Variants in ATP10B observed in about 807,000 individuals in gnomAD.
ATP10B encodes phospholipid-transporting ATPase VB.
In ATP10B, 122 loss-of-function variants were observed where a neutral mutation model predicts 141.2. The observed-to-expected ratio is 0.86, with a 90% confidence interval of 0.75 to 1.00. The LOEUF (loss-of-function observed/expected upper bound fraction) is 1.00, where lower values mean the gene tolerates loss of function less well. Among genes scored for constraint, ATP10B ranks in the 50% least tolerant of loss-of-function variants. The probability of loss-of-function intolerance (pLI) is 0.00; values close to 1 mark genes in which losing one functional copy is unlikely to be tolerated. For synonymous variants in ATP10B, 685 were observed against 692.0 expected, an observed-to-expected ratio of 0.99 and a Z score of 0.16; for missense variants, 1,876 against 1,825.3, an observed-to-expected ratio of 1.03 and a Z score of -0.51.
chr5:160,623,522 C>A (rs7733314), intron 13 of ATP10B, among the ~76,000 whole-genome samples: 2,075 of 63,294 alleles, frequency 0.033, 45 homozygotes, highest in African/African-American at 0.11. Context: ...TGATGCATGA[C>A]CTATTTTTTT....
intron 1 of ATP10B, among the ~76,000 whole-genome samples, chr5:160,809,960 G>T (rs1396100152): frequency 1.3e-5 from 2 of 152,078 alleles, no homozygotes; most frequent in African/African-American, 2.4e-5. Flanking sequence ...GTGATAAATT[G>T]TATGTCTTTA....
At chr5:160,819,906 C>A (rs1005747363) in intron 1 of ATP10B, among the ~76,000 whole-genome samples, 1 of 151,700 alleles carries the variant, frequency 6.6e-6, no homozygotes, top group Non-Finnish European at 1.5e-5. Flanking sequence ...GCTATAAGTT[C>A]CTACATTAAA....
intron 10 of ATP10B, 83 bp from the exon 11 acceptor site, chr5:160,636,392 C>G (rs1705247048): frequency 6.9e-7 from 1 of 1,446,826 alleles, no homozygotes; most frequent in South Asian, 1.4e-5. Context: ...TTGACACATT[C>G]CTAGAAATGG....
At chr5:160,691,371 A>G (rs747674122) in intron 3 of ATP10B, among the ~76,000 whole-genome samples, 1 of 152,262 alleles carries the variant, frequency 6.6e-6, no homozygotes, top group East Asian at 1.9e-4. Context: ...ATTAAAAAAA[A>G]TGCTGCTTTA....
chr5:160,674,192 A>G (rs551023173), intron 6 of ATP10B, among the ~76,000 whole-genome samples: 1 of 152,224 alleles, frequency 6.6e-6, no homozygotes, highest in Non-Finnish European at 1.5e-5. Flanking sequence ...GTTTTGATAA[A>G]TACTCGTTGG....
At chr5:160,593,041 C>G (rs894529821) in intron 22 of ATP10B, among the ~76,000 whole-genome samples, 4 of 152,236 alleles carry the variant, frequency 2.6e-5, no homozygotes, top group African/African-American at 9.6e-5. Flanking sequence ...ATGTCCCTGT[C>G]TGACAGCTTT....
In ATP10B at chr5:160,612,845, A is replaced by T. The variant is rs1757795430; in HGVS notation, c.2734T>A (p.Trp912Arg). Residue 912 changes from tryptophan to arginine, a missense_variant, in exon 18 of 26, where the codon TGG (tryptophan) becomes AGG (arginine). Trp to Arg is a moderately radical substitution (Grantham distance 101, BLOSUM62 -3). Transcript: ENST00000327245. Reference sequence around the variant, plus strand: ...TCCTGCTTATCTCCAGTCAGGACCCAGAGCTGGATCCCAGCCTCCCGCAGA... The same window carrying T: ...TCCTGCTTATCTCCAGTCAGGACCCTGAGCTGGATCCCAGCCTCCCGCAGA... ...ATLREAGIQL[W>R]VLTGDKQETA... is the part of the protein sequence containing the mutation. 1 of 1,614,040 alleles carries T rather than the reference A, an allele frequency of 6.2e-7. No individual in the cohort carries two copies. Among genetic ancestry groups the T allele is most frequent in the South Asian group, 1.1e-5 (1 of 91,082 alleles).
chr5:160,675,098 G>C (rs1034917386), intron 6 of ATP10B, among the ~76,000 whole-genome samples: 1 of 152,184 alleles, frequency 6.6e-6, no homozygotes, highest in Non-Finnish European at 1.5e-5. Context: ...CTCTTGCATG[G>C]AGTGAAGCCC....
the ATP10B span, among the ~76,000 whole-genome samples, chr5:160,897,085 T>A: frequency 6.6e-6 from 1 of 152,184 alleles, no homozygotes; most frequent in South Asian, 2.1e-4. Flanking sequence ...CAGCCAATAT[T>A]ATACTGAATG....
chr5:160,736,139 G>C (rs1168509620), intron 2 of ATP10B, among the ~76,000 whole-genome samples: 1 of 151,938 alleles, frequency 6.6e-6, no homozygotes, highest in African/African-American at 2.4e-5. Context: ...GATCAGAGCA[G>C]AAATAAATGA....
At chr5:160,731,468 A>T (rs1766735449) in intron 2 of ATP10B, among the ~76,000 whole-genome samples, 1 of 152,324 alleles carries the variant, frequency 6.6e-6, no homozygotes, top group Non-Finnish European at 1.5e-5. Flanking sequence ...GGCATGAGGC[A>T]GTGGCTTTCT....
intron 2 of ATP10B, 47 bp downstream of exon 2, chr5:160,785,512 G>A (rs890388831): frequency 8.6e-6 from 4 of 465,544 alleles, no homozygotes; most frequent in African/African-American, 6.0e-5. Flanking sequence ...GTGATGCTGA[G>A]GTTTGGGCTT....
intron 3 of ATP10B, among the ~76,000 whole-genome samples, chr5:160,708,730 C>T (rs1032189797): frequency 1.3e-5 from 2 of 152,104 alleles, no homozygotes; most frequent in Non-Finnish European, 2.9e-5. Flanking sequence ...AAATCTATTC[C>T]GCCCTTCTGC....
intron 6 of ATP10B, among the ~76,000 whole-genome samples, chr5:160,684,298 T>C (rs73308510): frequency 0.011 from 1,645 of 152,356 alleles, 34 homozygotes; most frequent in African/African-American, 0.038. Context: ...TTTCTAAGAA[T>C]TATCTCCTGC....
intron 1 of ATP10B, among the ~76,000 whole-genome samples, chr5:160,801,063 C>T (rs1177446896): frequency 2.6e-5 from 4 of 152,146 alleles, no homozygotes; most frequent in Non-Finnish European, 4.4e-5. Context: ...TGGAGTTTCA[C>T]ATACACTGAT....
intron 13 of ATP10B, among the ~76,000 whole-genome samples, chr5:160,630,474 C>T (rs1333724228): frequency 2.0e-5 from 3 of 152,162 alleles, no homozygotes; most frequent in Non-Finnish European, 4.4e-5. Context: ...CTTTTTCTCC[C>T]GCTCATTTTC....
intron 22 of ATP10B, among the ~76,000 whole-genome samples, chr5:160,595,013 G>A (rs1292101983): frequency 6.6e-6 from 1 of 152,098 alleles, no homozygotes; most frequent in Non-Finnish European, 1.5e-5. Context: ...GGATATCCAG[G>A]AATTGAACTC....
chr5:160,833,812 C>A (rs141867026), intron 1 of ATP10B, among the ~76,000 whole-genome samples: 1 of 152,066 alleles, frequency 6.6e-6, no homozygotes, highest in East Asian at 1.9e-4. Context: ...TGAGAAGACG[C>A]GTTTTAAATC....
chr5:160,814,136 T>A (rs1042961031), intron 1 of ATP10B, among the ~76,000 whole-genome samples: 3 of 152,152 alleles, frequency 2.0e-5, no homozygotes, highest in Non-Finnish European at 2.9e-5. Flanking sequence ...GGAAGGAGAA[T>A]GACTTTGACA....
Sources: gnomAD v4.1 joint callset for allele counts (sites outside exome capture counted in the v4.1 genomes callset) on GRCh38, gnomAD v4.1.1 for gene constraint, MANE v1.5 for transcripts, NCBI Gene and HGNC (gene_info 2026-07-23, HGNC 2026-07-21) for gene names.